The following SNRNP70 variants were observed in gnomAD, a reference collection of about 807,000 sequenced individuals.
SNRNP70 encodes small nuclear ribonucleoprotein U1 subunit 70.
SNRNP70 carries 8 observed loss-of-function variants against 50.5 expected under a neutral mutation model. The ratio of observed to expected loss-of-function variants is 0.16; its 90% CI spans 0.09 to 0.29. The LOEUF (loss-of-function observed/expected upper bound fraction) is 0.29. Ranked by LOEUF, SNRNP70 falls within the 10% of genes least tolerant of loss-of-function variation. The pLI is 1.00. For synonymous variants in SNRNP70, 320 were observed against 252.9 expected (o/e 1.27, Z -2.52); for missense variants, 529 against 663.5 (o/e 0.80, Z 2.23).
chr19:49,108,058 G>A lies in SNRNP70; in HGVS notation c.929G>A (p.Arg310His). 2 of 1,551,192 alleles carry A rather than the reference G, an allele frequency of 1.3e-6. No homozygotes were observed. The highest frequency in any genetic ancestry group is 1.2e-5 in the South Asian group (1 of 84,180). Reference sequence around the variant, plus strand: ...GAGCGGGAGCGCAAGGAGGAGCTGCGTGGCGGCGGTGGCGACATGGCGGAG... The same window carrying A: ...GAGCGGGAGCGCAAGGAGGAGCTGCATGGCGGCGGTGGCGACATGGCGGAG... Reference protein sequence around the residue: ...RRERERKEELRGGGGDMAEPS... With the variant: ...RRERERKEELHGGGGDMAEPS... The change falls in exon 10 of 10, where the codon CGT becomes CAT. Residue 310 changes from arginine (R) to histidine (H), a missense_variant. By Grantham distance (29) the Arg-to-His change is conservative. Coordinates refer to ENST00000598441, the MANE Select transcript of SNRNP70 (RefSeq NM_003089.6).
At chr19:49,090,389 C>A (rs1276666143) in intron 3 of SNRNP70, 36 bp downstream of exon 3, 1 of 1,613,148 alleles carries the variant, frequency 6.2e-7, no homozygotes, top group Admixed American at 1.7e-5. Flanking sequence ...CCTGTTTTAC[C>A]ACTGTCTCCA....
At chr19:49,097,243 C>G (rs756826417) in intron 4 of SNRNP70, among the ~76,000 whole-genome samples, 4 of 152,134 alleles carry the variant, frequency 2.6e-5, no homozygotes, top group Non-Finnish European at 5.9e-5. Context: ...GTTCAAGTGC[C>G]CGGGGTGAGA....
At chr19:49,091,148 A>T (rs1050072947) in intron 4 of SNRNP70, among the ~76,000 whole-genome samples, 23 of 152,084 alleles carry the variant, frequency 1.5e-4, no homozygotes, top group Non-Finnish European at 3.2e-4. Context: ...AGGCAGGCGG[A>T]TCATGAGGTC....
intron 4 of SNRNP70, among the ~76,000 whole-genome samples, chr19:49,091,152 T>A (rs1176557807): frequency 6.6e-6 from 1 of 152,050 alleles, no homozygotes; most frequent in Non-Finnish European, 1.5e-5. Context: ...AGGCGGATCA[T>A]GAGGTCAGGA....
chr19:49,108,569 C>A lies in SNRNP70; in HGVS notation c.*126C>A. ...GGGTAGGTGTCTCATTTGTTCTGGC[C>A]CCTTGGATTTAAAAATAAAATTAAT... On this transcript the variant is annotated 3_prime_UTR_variant, in exon 10 of 10. Transcript: ENST00000598441. 8.1e-7 allele frequency: 1 copy of A among 1,229,436 alleles called. No individual in the cohort carries two copies. The allele number at this position is 1,229,436 out of a possible 1,614,324, so 76.2% of individuals were successfully genotyped here. A position where few individuals can be genotyped will look rare whatever the true frequency, so the allele number is the denominator to read the frequency against.
chr19:49,094,533 G>GA (rs2040488915), intron 4 of SNRNP70, among the ~76,000 whole-genome samples: 1 of 152,126 alleles, frequency 6.6e-6, no homozygotes, highest in Admixed American at 6.5e-5. Flanking sequence ...GGATAGGGAT[G>GA]AAACAAGTCC....
intron 7 of SNRNP70, chr19:49,102,417 G>A (rs553099773): frequency 1.1e-5 from 3 of 284,690 alleles, no homozygotes; most frequent in Admixed American, 4.2e-5. Context: ...GAAAGGCGGC[G>A]GCCTCTCCGC....
At position 49,107,238 on chromosome 19, in the gene SNRNP70, G is replaced by A. The variant is rs1016986731; in HGVS notation, c.578-387G>A. The stretch of plus-strand genomic sequence containing the variant: ...GACGAGGAGTTTGGACCTTAGGCTG[G>A]GGGACGCCAGCAAAGGCTTCTAAGC... On this transcript the variant is annotated intron_variant, in intron 8 of 9. Transcript: ENST00000598441. This position sits in a 1 kb window ranked among gnomAD's most constrained non-coding sequence, Gnocchi z 6.0. 6.6e-6 allele frequency among the ~76,000 whole-genome samples: 1 copy of A among 152,228 alleles called. No homozygotes were observed. Among genetic ancestry groups the A allele is most frequent in the African/African-American group, 2.4e-5 (1 of 41,462 alleles).
At chr19:49,106,278 C>T (rs138028484) in intron 8 of SNRNP70, among the ~76,000 whole-genome samples, 7 of 152,358 alleles carry the variant, frequency 4.6e-5, no homozygotes, top group Admixed American at 4.6e-4. Flanking sequence ...TCAGAATCTT[C>T]TAGTTCAATT....
rs1191852932 is a variant in SNRNP70, at chr19:49,104,484, TCTGGCTGTCAGTTGC to T, written c.476-140_476-126del. ...CTTCACCGGTTTGGGAGAGGGTTGG[TCTGGCTGTCAGTTGC>T]CTGGCTGTCTGTTGGGCGTGTGCGT... On this transcript the variant is annotated intron_variant, in intron 7 of 9. Transcript: ENST00000598441. This position sits in a 1 kb window ranked among gnomAD's most constrained non-coding sequence, Gnocchi z 5.4. 1.8e-5 allele frequency: 12 copies of T among 655,324 alleles called. No homozygotes were observed. Among genetic ancestry groups the T allele is most frequent in the Admixed American group, 1.6e-4 (7 of 44,774 alleles). The allele number at this position is 655,324 out of a possible 1,614,324, so 40.6% of individuals were successfully genotyped here.
intron 4 of SNRNP70, among the ~76,000 whole-genome samples, chr19:49,095,287 A>G (rs1205761124): frequency 1.3e-5 from 2 of 152,234 alleles, no homozygotes; most frequent in African/African-American, 4.8e-5. Context: ...CCAGCCCTGC[A>G]GCATTCATTG....
At chr19:49,093,220 G>C (rs2040470138) in intron 4 of SNRNP70, among the ~76,000 whole-genome samples, 1 of 151,972 alleles carries the variant, frequency 6.6e-6, no homozygotes, top group African/African-American at 2.4e-5. Flanking sequence ...CTCCTGAGTA[G>C]CTGGGATTAC....
intron 6 of SNRNP70, among the ~76,000 whole-genome samples, chr19:49,099,343 A>C (rs1347391940): frequency 6.6e-6 from 1 of 152,106 alleles, no homozygotes. Context: ...CTCAGCTCTT[A>C]AGGAGGCAGA....
In SNRNP70 at chr19:49,107,482, T is replaced by C. The variant is rs763915211; in HGVS notation, c.578-143T>C. ...TGTCTTGTGATGGGAGTGCGCGGGA[T>C]GAACTGCACGGGGGGACCCGGCCCT... On this transcript the variant is annotated intron_variant, in intron 8 of 9. Coordinates refer to ENST00000598441, the MANE Select transcript of SNRNP70 (RefSeq NM_003089.6). This position sits in a 1 kb window ranked among gnomAD's most constrained non-coding sequence, Gnocchi z 6.0. The C allele has an allele frequency of 1.4e-6, 1 of 701,636 alleles. No homozygotes were observed. The highest frequency in any genetic ancestry group is 2.6e-5 in the Admixed American group (1 of 39,134). The allele number at this position is 701,636 out of a possible 1,614,324, so 43.5% of individuals were successfully genotyped here. A position where few individuals can be genotyped will look rare whatever the true frequency, so the allele number is the denominator to read the frequency against.
intron 7 of SNRNP70, chr19:49,103,446 G>A (rs2040618072): frequency 6.6e-6 from 1 of 152,528 alleles, no homozygotes; most frequent in African/African-American, 2.4e-5. Context: ...TGGGGTCTGT[G>A]CGCGTGCTCA....
At chr19:49,096,173 T>C (rs2122343592) in intron 4 of SNRNP70, among the ~76,000 whole-genome samples, 1 of 152,098 alleles carries the variant, frequency 6.6e-6, no homozygotes, top group Non-Finnish European at 1.5e-5. Flanking sequence ...TTCTCCTGCG[T>C]CAGCCTCCCG....
chr19:49,086,071 G>T (rs910650690), intron 1 of SNRNP70, among the ~76,000 whole-genome samples: 1 of 152,152 alleles, frequency 6.6e-6, no homozygotes, highest in Non-Finnish European at 1.5e-5. Flanking sequence ...AGCAGCCACA[G>T]CTGCTCTGGG....
At chr19:49,100,418 T>C (rs1007419900) in intron 6 of SNRNP70, among the ~76,000 whole-genome samples, 1 of 152,158 alleles carries the variant, frequency 6.6e-6, no homozygotes. Flanking sequence ...TCCCTTCTCT[T>C]GCTGCCATCC....
intron 1 of SNRNP70, among the ~76,000 whole-genome samples, chr19:49,085,975 A>T (rs915249314): frequency 6.6e-5 from 10 of 151,648 alleles, no homozygotes; most frequent in African/African-American, 2.4e-4. Context: ...TTCGCTCCTT[A>T]TGTTTCTCTT....
Sources: allele counts gnomAD v4.1 joint callset (sites outside exome capture counted in the v4.1 genomes callset), GRCh38; gene constraint gnomAD v4.1.1; non-coding constraint Gnocchi (gnomAD v3.1); transcripts MANE v1.5; gene names NCBI Gene and HGNC (gene_info 2026-07-23, HGNC 2026-07-21).